CACHD1: variants seen among roughly 807,000 people sequenced by gnomAD.
CACHD1 encodes the protein cache domain containing 1.
A neutral mutation model predicts 138.7 loss-of-function variants in CACHD1; 71 were observed. That is an observed-to-expected ratio of 0.51 (90% CI 0.42 to 0.62). The LOEUF (loss-of-function observed/expected upper bound fraction) is 0.62. CACHD1 is among the 20% of genes least tolerant of loss of function. CACHD1 has a pLI of 0.00. For missense variants in CACHD1, 1,389 were observed against 1,625.3 expected (o/e 0.85, Z 2.50); for synonymous variants, 578 against 591.5 (o/e 0.98, Z 0.33).
chr1:64,628,423 A>G (rs889790571), intron 4 of CACHD1, among the ~76,000 whole-genome samples: 2 of 152,208 alleles, frequency 1.3e-5, no homozygotes, highest in Non-Finnish European at 2.9e-5. Flanking sequence ...TAAGTGTGTA[A>G]TAAATAGCTG....
Position 64,500,877 on chromosome 1 carries a change from G to A in CACHD1, c.198+29935G>A, listed in dbSNP as rs559872125. ...TGCTTGGCCAACATGGTGAAACCCC[G>A]TCTCTACTAAAAATACAAAAAATTA... is the stretch of plus-strand genomic sequence containing the variant. On this transcript the variant is annotated intron_variant, in intron 1 of 26. Coordinates refer to ENST00000651257, the MANE Select transcript of CACHD1 (RefSeq NM_020925.4). 5.3e-5 allele frequency among the ~76,000 whole-genome samples: 8 copies of A among 151,846 alleles called. No homozygotes were observed. In the South Asian group the frequency reaches 8.3e-4, roughly 16 times the overall value.
chr1:64,661,728 C>T (rs1278501825), intron 13 of CACHD1, among the ~76,000 whole-genome samples: 2 of 152,164 alleles, frequency 1.3e-5, no homozygotes, highest in Non-Finnish European at 2.9e-5. Flanking sequence ...TGCTGCTAGG[C>T]ACCCTAACCT....
At chr1:64,525,512 C>T (rs963727305) in intron 1 of CACHD1, among the ~76,000 whole-genome samples, 4 of 152,170 alleles carry the variant, frequency 2.6e-5, no homozygotes, top group Non-Finnish European at 5.9e-5. Context: ...GGCTTCTTTC[C>T]TCCCACACTG....
At chr1:64,606,911 T>G (rs973225446) in intron 4 of CACHD1, among the ~76,000 whole-genome samples, 1 of 152,100 alleles carries the variant, frequency 6.6e-6, no homozygotes, top group African/African-American at 2.4e-5. Context: ...AGAGTTGTCA[T>G]TTATTGTGAT....
At chr1:64,484,178 A>G (rs1412864589) in intron 1 of CACHD1, among the ~76,000 whole-genome samples, 2 of 152,040 alleles carry the variant, frequency 1.3e-5, no homozygotes, top group African/African-American at 4.8e-5. Flanking sequence ...CGACAACTCT[A>G]AAAGGGAATC....
At chr1:64,524,380 G>T (rs1316757921) in intron 1 of CACHD1, among the ~76,000 whole-genome samples, 1 of 152,170 alleles carries the variant, frequency 6.6e-6, no homozygotes, top group Non-Finnish European at 1.5e-5. Flanking sequence ...TGAGCCCATT[G>T]TAGTGTGTTG....
chr1:64,630,432 C>T (rs1238565519), intron 5 of CACHD1, among the ~76,000 whole-genome samples: 1 of 152,040 alleles, frequency 6.6e-6, no homozygotes, highest in African/African-American at 2.4e-5. Flanking sequence ...TGCCGAGTAC[C>T]TGGGATTACA....
chr1:64,657,281 A>G (rs992139076), intron 12 of CACHD1, among the ~76,000 whole-genome samples: 9 of 152,152 alleles, frequency 5.9e-5, no homozygotes, highest in African/African-American at 2.2e-4. Flanking sequence ...TGTAGAGACT[A>G]TTTTTTTCAG....
At chr1:64,557,114 C>G (rs1646804476) in intron 2 of CACHD1, among the ~76,000 whole-genome samples, 1 of 110,560 alleles carries the variant, frequency 9.0e-6, no homozygotes, top group South Asian at 3.6e-4. Flanking sequence ...GAGCAAGACT[C>G]CATCTCGAAA....
intron 12 of CACHD1, among the ~76,000 whole-genome samples, chr1:64,656,320 T>C (rs1055518321): frequency 1.3e-5 from 2 of 152,212 alleles, no homozygotes; most frequent in African/African-American, 4.8e-5. Context: ...AGCTGACTTA[T>C]TTTCAGATTT....
At chr1:64,515,345 A>G (rs1331478500) in intron 1 of CACHD1, among the ~76,000 whole-genome samples, 1 of 152,240 alleles carries the variant, frequency 6.6e-6, no homozygotes, top group African/African-American at 2.4e-5. Flanking sequence ...ACAAGAAATA[A>G]TACAAACCCT....
At chr1:64,556,068 A>G (rs1399846292) in intron 2 of CACHD1, among the ~76,000 whole-genome samples, 3 of 152,188 alleles carry the variant, frequency 2.0e-5, no homozygotes, top group Non-Finnish European at 4.4e-5. Context: ...TCCCATCTTC[A>G]AACCCTGAGG....
intron 26 of CACHD1, among the ~76,000 whole-genome samples, chr1:64,689,464 C>G (rs995738200): frequency 6.6e-6 from 1 of 152,152 alleles, no homozygotes; most frequent in Non-Finnish European, 1.5e-5. Context: ...AATCCCACTG[C>G]CCTAGTTTAA....
chr1:64,546,935 T>C (rs1175056783), intron 1 of CACHD1, among the ~76,000 whole-genome samples: 1 of 151,120 alleles, frequency 6.6e-6, no homozygotes, highest in Non-Finnish European at 1.5e-5. Flanking sequence ...CCCCAAATGC[T>C]CATTTTTTTT....
At chr1:64,653,430 C>CT (rs928222826) in intron 10 of CACHD1, among the ~76,000 whole-genome samples, 7 of 142,202 alleles carry the variant, frequency 4.9e-5, no homozygotes, top group South Asian at 2.3e-4. Context: ...TCCTTTGGAT[C>CT]TTTTTTTTAT....
intron 2 of CACHD1, among the ~76,000 whole-genome samples, chr1:64,554,136 A>G (rs1416942082): frequency 1.3e-5 from 2 of 152,180 alleles, no homozygotes; most frequent in Non-Finnish European, 2.9e-5. Context: ...AGCTCAAGCA[A>G]TCCTCCTGCC....
At chr1:64,476,841 C>T (rs1040401762) in intron 1 of CACHD1, among the ~76,000 whole-genome samples, 2 of 152,174 alleles carry the variant, frequency 1.3e-5, no homozygotes, top group African/African-American at 4.8e-5. Context: ...TAACATGTTG[C>T]TGCTATTTCT....
intron 15 of CACHD1, among the ~76,000 whole-genome samples, chr1:64,665,445 A>G (rs1649597513): frequency 2.0e-5 from 3 of 150,654 alleles, no homozygotes; most frequent in Admixed American, 6.6e-5. Context: ...GGGCGATAGA[A>G]TGAGACCCTG....
At chr1:64,623,457 A>G (rs1298222047) in intron 4 of CACHD1, among the ~76,000 whole-genome samples, 1 of 52,416 alleles carries the variant, frequency 1.9e-5, no homozygotes, top group East Asian at 6.9e-4. Context: ...ACACACAAAC[A>G]TACAGATCAT....
Sources: allele counts gnomAD v4.1 joint callset (sites outside exome capture counted in the v4.1 genomes callset), GRCh38; gene constraint gnomAD v4.1.1; transcripts MANE v1.5; gene names NCBI Gene and HGNC (gene_info 2026-07-23, HGNC 2026-07-21).